The following SMOC2 variants were observed in gnomAD, a reference collection of about 807,000 sequenced individuals.
SMOC2 encodes SPARC-related modular calcium-binding protein 2.
SMOC2 carries 39 observed loss-of-function variants against 61.4 expected under a neutral mutation model. The observed-to-expected ratio is 0.64, with a 90% confidence interval of 0.49 to 0.83. SMOC2 has a LOEUF of 0.83. Ranked by LOEUF, SMOC2 falls within the 40% of genes least tolerant of loss-of-function variation. SMOC2 has a pLI of 0.00. For missense variants in SMOC2, 556 were observed against 592.9 expected, an observed-to-expected ratio of 0.94 and a Z score of 0.65; for synonymous variants, 247 against 239.9, an observed-to-expected ratio of 1.03 and a Z score of -0.27.
At chr6:168,664,469 A>G (rs904512602) in intron 12 of SMOC2, 1 of 417,904 alleles carries the variant, frequency 2.4e-6, no homozygotes, top group Admixed American at 3.5e-5. Flanking sequence ...TCACAGGCTC[A>G]AGCAATCCAC....
At chr6:168,659,003 T>G (rs1010265631) in intron 11 of SMOC2, among the ~76,000 whole-genome samples, 2 of 149,388 alleles carry the variant, frequency 1.3e-5, no homozygotes, top group Non-Finnish European at 3.0e-5. Context: ...ATATGGGGTG[T>G]GTGTGTTTAT....
At chr6:168,457,698 G>A (rs1781619380) in intron 1 of SMOC2, among the ~76,000 whole-genome samples, 1 of 151,964 alleles carries the variant, frequency 6.6e-6, no homozygotes, top group South Asian at 2.1e-4. Flanking sequence ...TACATGTGGT[G>A]CCGCCTCCTC....
chr6:168,599,429 C>CCACACT (rs1340513900), intron 8 of SMOC2, among the ~76,000 whole-genome samples: 22 of 127,468 alleles, frequency 1.7e-4, no homozygotes, highest in Non-Finnish European at 3.1e-4. Context: ...CCCCCCACAC[C>CCACACT]CACACTCACA....
chr6:168,566,841 AG>A (rs1175217552), intron 7 of SMOC2, among the ~76,000 whole-genome samples: 5 of 152,206 alleles, frequency 3.3e-5, no homozygotes, highest in African/African-American at 1.2e-4. Flanking sequence ...TGCAAAGTGT[AG>A]AGTGGGTGGC....
At chr6:168,526,512 G>C (rs1044089039) in intron 3 of SMOC2, 60 bp downstream of exon 3, 1 of 1,442,432 alleles carries the variant, frequency 6.9e-7, no homozygotes, top group South Asian at 1.1e-5. Flanking sequence ...GATGTGGAGC[G>C]GGTGTGGGGA....
In SMOC2 at chr6:168,650,730, G is replaced by A. The variant is rs752052893; in HGVS notation, c.957G>A (p.Ala319=). 9.3e-6 allele frequency: 15 copies of A among 1,613,426 alleles called. No homozygotes were observed. The highest frequency in any genetic ancestry group is 4.5e-5 in the East Asian group (2 of 44,892). The stretch of plus-strand genomic sequence containing the variant: ...AGTTTCTGACCAGCGTTCTGGACGC[G>A]CTGTCCACGGACATGGTCCACGCCG... ...KHEFLTSVLD[A]LSTDMVHAAS... Residue 319 remains alanine (A), a synonymous_variant, in exon 10 of 13, where the codon GCG becomes GCA. Coordinates refer to ENST00000356284, the MANE Select transcript of SMOC2 (RefSeq NM_001166412.2).
intron 4 of SMOC2, among the ~76,000 whole-genome samples, chr6:168,528,387 T>G (rs1474360697): frequency 6.6e-6 from 1 of 151,646 alleles, no homozygotes; most frequent in African/African-American, 2.4e-5. Flanking sequence ...TATGAAGAAA[T>G]GCTATGATCT....
At chr6:168,540,374 C>T (rs904943980) in intron 4 of SMOC2, among the ~76,000 whole-genome samples, 10 of 152,198 alleles carry the variant, frequency 6.6e-5, no homozygotes, top group African/African-American at 2.2e-4. Context: ...CAGCAGAGCA[C>T]GTGGAGAGGC....
At chr6:168,513,756 G>A (rs1783064880) in intron 2 of SMOC2, among the ~76,000 whole-genome samples, 1 of 152,188 alleles carries the variant, frequency 6.6e-6, no homozygotes, top group South Asian at 2.1e-4. Flanking sequence ...ACCTCTCAGG[G>A]AGCTCGTCTC....
At chr6:168,585,154 T>C (rs1191461260) in intron 7 of SMOC2, among the ~76,000 whole-genome samples, 1 of 152,098 alleles carries the variant, frequency 6.6e-6, no homozygotes, top group African/African-American at 2.4e-5. Context: ...TCACGGGGTT[T>C]TGCTATGTTG....
intron 1 of SMOC2, among the ~76,000 whole-genome samples, chr6:168,466,464 T>C (rs966589591): frequency 4.6e-5 from 7 of 151,896 alleles, no homozygotes; most frequent in Admixed American, 6.6e-5. Flanking sequence ...TGTGGGTTGG[T>C]GGTGGGGGAA....
chr6:168,596,886 A>C (rs1488204885), intron 7 of SMOC2, among the ~76,000 whole-genome samples: 1 of 152,248 alleles, frequency 6.6e-6, no homozygotes, highest in Non-Finnish European at 1.5e-5. Flanking sequence ...TATAAGACAC[A>C]ATCATATGAA....
Position 168,535,105 on chromosome 6 carries a change from G to A in SMOC2, c.463+7378G>A, listed in dbSNP as rs1157017460. Among the ~76,000 whole-genome samples the A allele has an allele frequency of 6.6e-6, 1 of 151,954 alleles. No homozygotes were observed. Among genetic ancestry groups the A allele is most frequent in the Non-Finnish European group, 1.5e-5 (1 of 68,008 alleles). The stretch of plus-strand genomic sequence containing the variant: ...CCTGCCTCTGCCTCCGGAGTAGCTG[G>A]GACTACAGGCACCCGCCACCACGCC... On this transcript the variant is annotated intron_variant, in intron 4 of 12. Transcript: ENST00000356284. The surrounding 1 kb of genome is among the most constrained non-coding windows in gnomAD (Gnocchi z 4.6).
intron 11 of SMOC2, among the ~76,000 whole-genome samples, chr6:168,659,398 C>T (rs1197198749): frequency 1.4e-5 from 2 of 141,040 alleles, no homozygotes. Flanking sequence ...GGCAGGCTTG[C>T]CTATAAATGA....
At chr6:168,571,294 G>A (rs1224402511) in intron 7 of SMOC2, among the ~76,000 whole-genome samples, 3 of 152,232 alleles carry the variant, frequency 2.0e-5, no homozygotes, top group African/African-American at 4.8e-5. Flanking sequence ...ACTGCCTGTG[G>A]AAACACCGGT....
chr6:168,482,106 G>A (rs1048409841), intron 1 of SMOC2, among the ~76,000 whole-genome samples: 1 of 151,722 alleles, frequency 6.6e-6, no homozygotes, highest in African/African-American at 2.4e-5. Context: ...CAAAAAATTG[G>A]TTCTTTGAAA....
intron 9 of SMOC2, among the ~76,000 whole-genome samples, chr6:168,617,105 T>G (rs1786114502): frequency 6.6e-6 from 1 of 152,238 alleles, no homozygotes; most frequent in Non-Finnish European, 1.5e-5. Flanking sequence ...AGTGGGATTT[T>G]ATTACAATAT....
At chr6:168,574,213 G>C (rs1784739764) in intron 7 of SMOC2, among the ~76,000 whole-genome samples, 1 of 152,250 alleles carries the variant, frequency 6.6e-6, no homozygotes, top group African/African-American at 2.4e-5. Flanking sequence ...TGGGAGTGGT[G>C]TGGCAGCGCT....
At chr6:168,599,699 C>T (rs901864099) in intron 8 of SMOC2, among the ~76,000 whole-genome samples, 3 of 146,666 alleles carry the variant, frequency 2.0e-5, no homozygotes, top group African/African-American at 7.6e-5. Context: ...CTCTCACACA[C>T]ACACCCACAG....
Sources: gnomAD v4.1 joint callset for allele counts (sites outside exome capture counted in the v4.1 genomes callset) on GRCh38, gnomAD v4.1.1 for gene constraint, Gnocchi (gnomAD v3.1) non-coding constraint, MANE v1.5 for transcripts, NCBI Gene and HGNC (gene_info 2026-07-23, HGNC 2026-07-21) for gene names.